The following UPRT variants were observed in gnomAD, a reference collection of about 807,000 sequenced individuals.
The protein encoded by UPRT is uracil phosphoribosyltransferase homolog.
UPRT carries 5 observed loss-of-function variants against 22.6 expected under a neutral mutation model. That is an observed-to-expected ratio of 0.22 (90% CI 0.12 to 0.47). UPRT has a LOEUF of 0.47. Ranked by LOEUF, UPRT falls within the 20% of genes least tolerant of loss-of-function variation. The probability of loss-of-function intolerance (pLI) is 0.99; values close to 1 mark genes in which losing one functional copy is unlikely to be tolerated. For missense variants in UPRT, 181 were observed against 239.9 expected (o/e 0.75, Z 1.62); for synonymous variants, 77 against 87.7 (o/e 0.88, Z 0.68).
At chrX:75,178,717 T>G (rs1161631894) in intron 4 of UPRT, among the ~76,000 whole-genome samples, 1 of 110,778 alleles carries the variant, frequency 9.0e-6, no homozygotes, top group East Asian at 2.9e-4. Context: ...TCGTGGTCTC[T>G]CTGGGCTCAG....
rs778178295 is a variant in UPRT, at chrX:75,274,588, C to T, written c.334C>T (p.Leu112=). 8.3e-7 allele frequency: 1 copy of T among 1,209,584 alleles called. No individual in the cohort carries two copies. Among genetic ancestry groups the T allele is most frequent in the East Asian group, 3.0e-5 (1 of 33,781 alleles). The stretch of plus-strand genomic sequence containing the variant: ...CCGGCAGATCGGGGCGCAGCTTAAG[C>T]TGCTGCCTATGAATGATCAGATACG... ...LSRQIGAQLK[L]LPMNDQIREL... Residue 112 remains leucine (L), a synonymous_variant, in exon 1 of 7, where the codon CTG becomes TTG. Transcript: ENST00000373383.
intron 4 of UPRT, among the ~76,000 whole-genome samples, chrX:75,208,208 CTT>C (rs2082371772): frequency 1.8e-5 from 2 of 111,771 alleles, no homozygotes; most frequent in South Asian, 7.5e-4. Context: ...TACCTTGAGT[CTT>C]TGTGGGTGAG....
chrX:75,246,135 AGG>A (rs1351633828), intron 4 of UPRT, among the ~76,000 whole-genome samples: 1 of 110,236 alleles, frequency 9.1e-6, no homozygotes, highest in African/African-American at 3.3e-5. Context: ...TTTAAGTTCT[AGG>A]GTACATGTCC....
chrX:75,233,658 A>G (rs756700050), intron 4 of UPRT, among the ~76,000 whole-genome samples: 3 of 111,543 alleles, frequency 2.7e-5, no homozygotes, highest in African/African-American at 9.8e-5. Context: ...AAGAATTTTA[A>G]ACCCAGAATT....
At chrX:75,302,505 G>T (rs946011357) in intron 6 of UPRT, among the ~76,000 whole-genome samples, 4 of 111,020 alleles carry the variant, frequency 3.6e-5, no homozygotes, top group African/African-American at 1.3e-4. Context: ...TAAGCTTGGT[G>T]ATAACATTTT....
At chrX:75,184,921 C>G (rs915306643) in intron 4 of UPRT, among the ~76,000 whole-genome samples, 2 of 111,383 alleles carry the variant, frequency 1.8e-5, no homozygotes, top group African/African-American at 3.3e-5. Context: ...AGATTTTGGG[C>G]TCACACAATG....
intron 4 of UPRT, among the ~76,000 whole-genome samples, chrX:75,233,046 A>T (rs867580398): frequency 3.7e-4 from 41 of 111,722 alleles, no homozygotes; most frequent in African/African-American, 1.2e-3. Flanking sequence ...GAAAAAAATT[A>T]AGAAGAATGT....
rs182098036 is a variant in UPRT, at chrX:75,160,963, T to G, written c.-615+292T>G. Among the ~76,000 whole-genome samples, 4 of 112,618 alleles carry G rather than the reference T, an allele frequency of 3.6e-5. No individual in the cohort carries two copies. The East Asian group carries it at 1.1e-3, about 31-fold the overall frequency. ...AAAGTATATATGAAATAATGTTGAA[T>G]AAAGAAGAAACAAACATATATATAC... On this transcript the variant is annotated intron_variant, in intron 2 of 13. Coordinates refer to the UPRT transcript ENST00000652605.
chrX:75,227,649 T>G (rs994786317), intron 4 of UPRT, among the ~76,000 whole-genome samples: 29 of 112,555 alleles, frequency 2.6e-4, no homozygotes, highest in African/African-American at 8.7e-4. Context: ...GTACCCCAAC[T>G]GAAGAGAACC....
intron 4 of UPRT, among the ~76,000 whole-genome samples, chrX:75,234,819 C>T (rs1286424322): frequency 1.8e-5 from 2 of 110,629 alleles, no homozygotes; most frequent in South Asian, 3.9e-4. Flanking sequence ...CACTAAATGC[C>T]CACAAGAGAA....
chrX:75,185,895 A>G (rs1215753640), intron 4 of UPRT, among the ~76,000 whole-genome samples: 2 of 110,676 alleles, frequency 1.8e-5, no homozygotes, highest in Non-Finnish European at 3.8e-5. Flanking sequence ...TACTGTGTCT[A>G]TTTGATTTTT....
At position 75,274,322 on chromosome X, in the gene UPRT, C is replaced by T. The variant is rs1217319920; in HGVS notation, c.68C>T (p.Thr23Ile). ...CHNQQVNSAS[T>I]PSPEQLRPGD... ...AACCAGCAAGTAAACTCTGCCTCAA[C>T]CCCAAGTCCCGAGCAGCTGCGACCT... The change falls in exon 1 of 7, where the codon ACC (threonine) becomes ATC (isoleucine). Residue 23 changes from threonine to isoleucine, a missense_variant. Physicochemically the swap from Thr to Ile is moderately conservative, Grantham distance 89. Around this residue, in one of 2 missense-constraint regions of UPRT, gnomAD observed 111 missense variants for 102.8 expected, o/e 1.08. Transcript: ENST00000373383. The T allele has an allele frequency of 4.1e-6, 5 of 1,209,995 alleles. No individual in the cohort carries two copies. Among genetic ancestry groups the T allele is most frequent in the Non-Finnish European group, 4.5e-6 (4 of 895,222 alleles).
intron 5 of UPRT, among the ~76,000 whole-genome samples, 170 bp from the exon 6 acceptor site, chrX:75,300,697 G>T (rs2082741016): frequency 9.0e-6 from 1 of 110,840 alleles, no homozygotes; most frequent in Non-Finnish European, 1.9e-5. Flanking sequence ...TGAGGTGGGA[G>T]GATGGCTTGA....
In UPRT at chrX:75,274,456, G is replaced by A. The variant is rs1408662633; in HGVS notation, c.202G>A (p.Ala68Thr). The stretch of plus-strand genomic sequence containing the variant: ...CCTGCCGGCCGAGCTGGACTCTGGG[G>A]CCTGCGGCGGCTCCAGCCTCAACTC... ...SSLPAELDSG[A>T]CGGSSLNSEG... is the part of the protein sequence containing the mutation. Residue 68 changes from alanine (A) to threonine (T), a missense_variant, in exon 1 of 7, where the codon GCC (alanine) becomes ACC (threonine). This residue lies in a region of UPRT where 111 missense variants were observed against 102.8 expected (regional missense o/e 1.08). Transcript: ENST00000373383. 1.7e-6 allele frequency: 2 copies of A among 1,211,226 alleles called. No individual in the cohort carries two copies. Among genetic ancestry groups the A allele is most frequent in the South Asian group, 1.8e-5 (1 of 56,879 alleles).
intron 4 of UPRT, among the ~76,000 whole-genome samples, chrX:75,215,356 G>T (rs376901978): frequency 9.0e-6 from 1 of 111,178 alleles, no homozygotes; most frequent in Non-Finnish European, 1.9e-5. Flanking sequence ...CAGAAGAAAA[G>T]AAATAATACA....
chrX:75,208,097 C>T (rs763499100), intron 4 of UPRT, among the ~76,000 whole-genome samples: 5 of 111,456 alleles, frequency 4.5e-5, no homozygotes, highest in African/African-American at 1.6e-4. Flanking sequence ...AGAGGAGGTC[C>T]TTTGAAGGGG....
chrX:75,265,076 T>A (rs936951583), intron 4 of UPRT, among the ~76,000 whole-genome samples: 2 of 112,107 alleles, frequency 1.8e-5, no homozygotes, highest in African/African-American at 6.5e-5. Flanking sequence ...CTTCCCTTTG[T>A]GGGTAACCCG....
intron 4 of UPRT, among the ~76,000 whole-genome samples, chrX:75,251,449 A>G (rs1442245889): frequency 4.5e-5 from 5 of 111,292 alleles, no homozygotes; most frequent in Non-Finnish European, 7.5e-5. Context: ...TCATGAGTGA[A>G]CTCCCATTCA....
intron 4 of UPRT, among the ~76,000 whole-genome samples, chrX:75,224,512 C>A (rs756454022): frequency 1.8e-5 from 2 of 110,658 alleles, no homozygotes; most frequent in Non-Finnish European, 3.8e-5. Context: ...CTCAGGAGGG[C>A]AAAGTTTTGA....
Sources: gnomAD v4.1 joint callset for allele counts (sites outside exome capture counted in the v4.1 genomes callset) on GRCh38, gnomAD v4.1.1 for gene constraint, gnomAD v4.1.1 regional missense constraint, MANE v1.5 for transcripts, NCBI Gene and HGNC (gene_info 2026-07-23, HGNC 2026-07-21) for gene names.